PCNX2: variants seen among roughly 807,000 people sequenced by gnomAD.
The protein encoded by PCNX2 is pecanex-like protein 2.
A neutral mutation model predicts 223.8 loss-of-function variants in PCNX2; 168 were observed. The ratio of observed to expected loss-of-function variants is 0.75; its 90% confidence interval spans 0.66 to 0.85. PCNX2 has a LOEUF of 0.85. Among genes scored for constraint, PCNX2 ranks in the 40% least tolerant of loss-of-function variants. The probability of loss-of-function intolerance (pLI) is 0.00; values close to 1 mark genes in which losing one functional copy is unlikely to be tolerated. For synonymous variants in PCNX2, 1,006 were observed against 1,052.6 expected (o/e 0.96, Z 0.86); for missense variants, 2,507 against 2,675.5 (o/e 0.94, Z 1.39).
chr1:233,213,953 C>T (rs1241104805), intron 12 of PCNX2, among the ~76,000 whole-genome samples: 1 of 151,118 alleles, frequency 6.6e-6, no homozygotes, highest in Non-Finnish European at 1.5e-5. Flanking sequence ...CTCAGCCTCC[C>T]GAGTAGCTGG....
chr1:233,046,624 A>G (rs956644305), intron 25 of PCNX2, among the ~76,000 whole-genome samples: 4 of 152,182 alleles, frequency 2.6e-5, no homozygotes, highest in African/African-American at 9.7e-5. Context: ...TGACCCTTAT[A>G]GCCAGGTTAT....
At chr1:233,229,505 G>A (rs1468819995) in intron 9 of PCNX2, among the ~76,000 whole-genome samples, 3 of 152,146 alleles carry the variant, frequency 2.0e-5, no homozygotes, top group African/African-American at 2.4e-5. Context: ...GAAGCCACAT[G>A]GACAAACAGT....
intron 23 of PCNX2, among the ~76,000 whole-genome samples, chr1:233,073,413 G>A (rs890679431): frequency 3.3e-5 from 5 of 151,874 alleles, no homozygotes; most frequent in African/African-American, 1.2e-4. Context: ...TGCTTGCTTT[G>A]GATTTTGTAC....
intron 12 of PCNX2, among the ~76,000 whole-genome samples, chr1:233,209,468 G>GA (rs917075719): frequency 2.0e-5 from 3 of 151,888 alleles, no homozygotes; most frequent in Non-Finnish European, 2.9e-5. Context: ...GATTCAGGGG[G>GA]AAAAAAACAA....
At chr1:233,218,419 T>A (rs1657141325) in intron 10 of PCNX2, among the ~76,000 whole-genome samples, 1 of 126,876 alleles carries the variant, frequency 7.9e-6, no homozygotes, top group Non-Finnish European at 1.5e-5. Context: ...CGGCTAATTT[T>A]TTTATTTTTT....
At position 233,123,307 on chromosome 1, in the gene PCNX2, C is replaced by T. The variant is rs191636774; in HGVS notation, c.3837+11706G>A. Reference sequence around the variant, plus strand: ...ATCTTTTAAAAAACATCTGGCCGGGCGCGGTGGCTCACACCTGTAATCCCA... The same window carrying T: ...ATCTTTTAAAAAACATCTGGCCGGGTGCGGTGGCTCACACCTGTAATCCCA... On this transcript the variant is annotated intron_variant, in intron 21 of 33. Coordinates refer to ENST00000258229, the MANE Select transcript of PCNX2 (RefSeq NM_014801.4). 7.0e-4 allele frequency among the ~76,000 whole-genome samples: 106 copies of T among 152,180 alleles called. 1 individual carries two copies. Among genetic ancestry groups the T allele is most frequent in the Admixed American group, 6.5e-3 (99 of 15,282 alleles).
At chr1:233,097,632 A>T (rs1674252354) in intron 21 of PCNX2, among the ~76,000 whole-genome samples, 1 of 152,150 alleles carries the variant, frequency 6.6e-6, no homozygotes, top group Non-Finnish European at 1.5e-5. Context: ...CTTTGAGAGT[A>T]TGTCAGTTGA....
At chr1:233,004,575 C>T (rs1284225207) in intron 28 of PCNX2, among the ~76,000 whole-genome samples, 3 of 152,030 alleles carry the variant, frequency 2.0e-5, no homozygotes, top group South Asian at 2.1e-4. Flanking sequence ...CAAGAAACAG[C>T]GTCCCTGACA....
intron 7 of PCNX2, 82 bp downstream of exon 7, chr1:233,252,272 C>G (rs550062213): frequency 2.1e-6 from 3 of 1,446,184 alleles, no homozygotes; most frequent in Admixed American, 2.1e-5. Context: ...GTCTAGTACT[C>G]ATGCTAAGGT....
At chr1:233,300,216 T>A (rs1214207158), upstream of PCNX2, among the ~76,000 whole-genome samples, 1 of 152,240 alleles carries the variant, frequency 6.6e-6, no homozygotes, top group Non-Finnish European at 1.5e-5. Flanking sequence ...ATGAACAAGA[T>A]ACATCCTTCC....
chr1:233,183,180 C>T (rs941124284), intron 15 of PCNX2, among the ~76,000 whole-genome samples: 2 of 152,082 alleles, frequency 1.3e-5, no homozygotes, highest in Non-Finnish European at 2.9e-5. Context: ...TGGCACAATC[C>T]CCTTCAAGAT....
intron 13 of PCNX2, among the ~76,000 whole-genome samples, chr1:233,203,283 A>G (rs1572069445): frequency 6.6e-6 from 1 of 152,204 alleles, no homozygotes; most frequent in Non-Finnish European, 1.5e-5. Flanking sequence ...TCTCACCCAC[A>G]GGATAATTTC....
Position 233,014,504 on chromosome 1 carries a change from A to C in PCNX2, c.4952+161T>G, listed in dbSNP as rs559921732. On this transcript the variant is annotated intron_variant, in intron 28 of 33. Coordinates refer to ENST00000258229, the MANE Select transcript of PCNX2 (RefSeq NM_014801.4). The stretch of plus-strand genomic sequence containing the variant: ...ACTCCAAAAGAGCAGTGATCAAAAA[A>C]AATGTTCATGTAGGCCCAATATAAT... Among the ~76,000 whole-genome samples, 152 of 152,340 alleles carry C rather than the reference A, an allele frequency of 1.0e-3. 1 individual carries two copies. The highest frequency in any genetic ancestry group is 3.4e-3 in the African/African-American group (143 of 41,576).
At chr1:233,175,649 T>C (rs1335525431) in intron 17 of PCNX2, among the ~76,000 whole-genome samples, 1 of 152,164 alleles carries the variant, frequency 6.6e-6, no homozygotes, top group East Asian at 1.9e-4. Context: ...AGTCTCCTGG[T>C]ATAAATATTA....
At chr1:233,161,177 T>G in intron 18 of PCNX2, 94 bp downstream of exon 18, 1 of 1,158,880 alleles carries the variant, frequency 8.6e-7, no homozygotes, top group Non-Finnish European at 1.3e-6. Context: ...TTTCTCTGGC[T>G]CACGTGTCTT....
intron 1 of PCNX2, among the ~76,000 whole-genome samples, chr1:233,293,546 C>T (rs561394077): frequency 2.8e-4 from 43 of 152,244 alleles, no homozygotes; most frequent in African/African-American, 1.0e-3. Context: ...AGTCTAACTA[C>T]AGAATGCTGT....
At chr1:233,223,117 A>C (rs1408064615) in intron 10 of PCNX2, among the ~76,000 whole-genome samples, 1 of 152,216 alleles carries the variant, frequency 6.6e-6, no homozygotes, top group Non-Finnish European at 1.5e-5. Context: ...TTCCCTTCCT[A>C]TGTAGCAGTG....
rs185325948 is a variant in PCNX2 at position 233,186,728 on chromosome 1, C to A, written c.3067-7553G>T. ...GATTCTTCTTATTTCATACTGTTTT[C>A]TTCATTTTGGTGAAAAACATGATAT... On this transcript the variant is annotated intron_variant, in intron 15 of 33. Transcript: ENST00000258229. 1.4e-4 allele frequency among the ~76,000 whole-genome samples: 21 copies of A among 152,256 alleles called. No homozygotes were observed. The South Asian group carries it at 2.1e-3, about 15-fold the overall frequency.
At chr1:233,238,181 T>A (rs1658533512) in intron 8 of PCNX2, among the ~76,000 whole-genome samples, 1 of 152,322 alleles carries the variant, frequency 6.6e-6, no homozygotes, top group South Asian at 2.1e-4. Flanking sequence ...GTGCAGCCCA[T>A]TTTATTACAG....
Sources: allele counts gnomAD v4.1 joint callset (sites outside exome capture counted in the v4.1 genomes callset), GRCh38; gene constraint gnomAD v4.1.1; transcripts MANE v1.5; gene names NCBI Gene and HGNC (gene_info 2026-07-23, HGNC 2026-07-21).